PLEC: variants seen among roughly 807,000 people sequenced by gnomAD.
PLEC encodes the protein hemidesmosomal protein 1.
A neutral mutation model predicts 392.8 loss-of-function variants in PLEC; 216 were observed. That is an observed-to-expected ratio of 0.55 (90% CI 0.49 to 0.62). PLEC has a LOEUF of 0.62. Among genes scored for constraint, PLEC ranks in the 20% least tolerant of loss-of-function variants. PLEC has a pLI of 0.00. For synonymous variants in PLEC, 3,621 were observed against 2,980.6 expected, an observed-to-expected ratio of 1.21 and a Z score of -7.00; for missense variants, 6,863 against 6,563.4, an observed-to-expected ratio of 1.05 and a Z score of -1.58.
chr8:143,953,634 G>A, upstream of PLEC: 1 of 1,376,698 alleles, frequency 7.3e-7, no homozygotes, highest in Non-Finnish European at 1.0e-6. Context: ...AGGGATGGCA[G>A]ACCCTGCCCG....
rs572842527 is a variant in PLEC, at chr8:143,930,126, T to A, written c.2612+18A>T. The A allele has an allele frequency of 1.4e-4, 224 of 1,589,494 alleles. 3 individuals carry two copies. In the South Asian group the frequency reaches 2.4e-3, roughly 17 times the overall value. ...CACCCGCCTTCCAGCCCCCACCTGC[T>A]GAGCCCCCGCCACCCACCTGGTGAC... is the stretch of plus-strand genomic sequence containing the variant. On this transcript the variant is annotated intron_variant, in intron 21 of 31. Coordinates refer to ENST00000345136, the MANE Select transcript of PLEC (RefSeq NM_201384.3).
At chr8:143,970,970 CCA>C (rs1316214839) in intron 1 of PLEC, among the ~76,000 whole-genome samples, 1 of 152,230 alleles carries the variant, frequency 6.6e-6, no homozygotes, top group African/African-American at 2.4e-5. Context: ...AGCCTCAGCC[CCA>C]GAGGAATCTG....
At chr8:143,942,342 G>C (rs1554729256), upstream of PLEC, 1 of 1,593,224 alleles carries the variant, frequency 6.3e-7, no homozygotes, top group African/African-American at 1.3e-5. Context: ...CCCACTAGGT[G>C]AGAGCGATGG....
chr8:143,919,506 G>C lies in PLEC; in HGVS notation c.10315C>G (p.Pro3439Ala). 9.9e-6 allele frequency: 16 copies of C among 1,612,802 alleles called. No homozygotes were observed. Among genetic ancestry groups the C allele is most frequent in the Non-Finnish European group, 1.4e-5 (16 of 1,179,858 alleles). The change falls in exon 32 of 32, where the codon CCC (proline) becomes GCC (alanine). Residue 3439 changes from proline (P) to alanine (A), a missense_variant. Transcript: ENST00000345136. ...AGGGAGATGGTGCTGCCCGAGTAGG[G>C]GTCTCTGTAGCCGGTGACGGCCTTC... ...AEKAVTGYRDPYSGSTISLFQ... is the reference protein window; with the variant it reads ...AEKAVTGYRDAYSGSTISLFQ...
In PLEC at chr8:143,922,750, G is replaced by A. The variant is rs1554690386; in HGVS notation, c.7179C>T (p.Ser2393=). Residue 2393 remains serine (S), a synonymous_variant, in exon 31 of 32, where the codon AGC becomes AGT. Coordinates refer to ENST00000345136, the MANE Select transcript of PLEC (RefSeq NM_201384.3). The part of the protein sequence containing the change: ...ERLKLRVAEM[S]RAQARAEEDA... The stretch of plus-strand genomic sequence containing the variant: ...CCTCCTCAGCGCGGGCCTGGGCTCG[G>A]CTCATCTCGGCCACACGCAGCTTGA... 5 of 1,609,064 alleles carry A rather than the reference G, an allele frequency of 3.1e-6. No homozygotes were observed. Among genetic ancestry groups the A allele is most frequent in the Non-Finnish European group, 4.2e-6 (5 of 1,179,298 alleles).
chr8:143,917,180 A>G lies in PLEC; in HGVS notation c.12641T>C (p.Ile4214Thr). Residue 4214 changes from isoleucine to threonine, a missense_variant, in exon 32 of 32, where the codon ATC becomes ACC. Transcript: ENST00000345136. ...GTACTGGTCCAGTGCCGAGCGGTCG[A>G]TGAGGTTCTTGGCGATGGCATCATC... The part of the protein sequence containing the change: ...DIDDAIAKNL[I>T]DRSALDQYRA... 4 of 1,612,344 alleles carry G rather than the reference A, an allele frequency of 2.5e-6. No individual in the cohort carries two copies. Among genetic ancestry groups the G allele is most frequent in the Non-Finnish European group, 3.4e-6 (4 of 1,179,184 alleles).
At position 143,930,290 on chromosome 8, in the gene PLEC, C is replaced by T; in HGVS notation, c.2466G>A (p.Val822=). The T allele has an allele frequency of 1.9e-6, 3 of 1,602,868 alleles. No homozygotes were observed. The highest frequency in any genetic ancestry group is 1.1e-5 in the South Asian group (1 of 90,240). The change falls in exon 21 of 32, where the codon GTG becomes GTA. Residue 822 remains valine (V), a synonymous_variant. Coordinates refer to ENST00000345136, the MANE Select transcript of PLEC (RefSeq NM_201384.3). ...CCAGCTGGCACTCGTCACCCTTGTGCACAGTCACCTGGGACGGGCAGAGTC... is the reference window on the plus strand; with the variant it reads ...CCAGCTGGCACTCGTCACCCTTGTGTACAGTCACCTGGGACGGGCAGAGTC... ...VCDYKQVEVT[V]HKGDECQLVG... is the part of the protein sequence containing the mutation.
intron 1 of PLEC, chr8:143,946,502 G>T (rs957660066): frequency 7.6e-6 from 6 of 789,454 alleles, no homozygotes; most frequent in Non-Finnish European, 1.1e-5. Context: ...CCTGGTAGCA[G>T]CGGCTCCTCC....
chr8:143,959,696 G>A (rs557179998), intron 1 of PLEC, among the ~76,000 whole-genome samples: 8 of 152,246 alleles, frequency 5.3e-5, no homozygotes, highest in Non-Finnish European at 1.0e-4. Context: ...CTTAGAAATT[G>A]TTTAAAAATT....
chr8:143,943,772 G>C (rs782704181), upstream of PLEC: 1 of 1,610,552 alleles, frequency 6.2e-7, no homozygotes, highest in Non-Finnish European at 8.5e-7. Flanking sequence ...CCACCAGCGG[G>C]GCTTACCTTG....
rs561310906 is a variant in PLEC, at chr8:143,930,418, G to A, written c.2423C>T (p.Pro808Leu). The A allele has an allele frequency of 4.5e-6, 7 of 1,573,022 alleles. No individual in the cohort carries two copies. Among genetic ancestry groups the A allele is most frequent in the South Asian group, 2.3e-5 (2 of 86,802 alleles). The change falls in exon 20 of 32, where the codon CCC becomes CTC. Residue 808 changes from proline (P) to leucine (L), a missense_variant. By Grantham distance (98) the Pro-to-Leu change is moderately conservative. Transcript: ENST00000345136. ...CTTATAGTCGCACACGGCCAGCAGG[G>A]GCAGGCGGCCCCGCATGGGGTGGGC... The part of the protein sequence containing the change: ...HPAHPMRGRL[P>L]LLAVCDYKQV...
rs113295402 is a variant in PLEC, at chr8:143,924,620, C to T, written c.5309G>A (p.Ser1770Asn). ...VRAEMEVLLA[S>N]KARAEEESRS... Reference sequence around the variant, plus strand: ...CGACTCCTCCTCAGCCCTCGCCTTGCTGGCCAGCAGCACCTCCATCTCGGC... The same window carrying T: ...CGACTCCTCCTCAGCCCTCGCCTTGTTGGCCAGCAGCACCTCCATCTCGGC... The change falls in exon 31 of 32, where the codon AGC (serine) becomes AAC (asparagine). Residue 1770 changes from serine to asparagine, a missense_variant. Physicochemically the swap from Ser to Asn is conservative, Grantham distance 46. Transcript: ENST00000345136. The T allele has an allele frequency of 1.3e-6, 2 of 1,540,550 alleles. No homozygotes were observed. Among genetic ancestry groups the T allele is most frequent in the Non-Finnish European group, 1.7e-6 (2 of 1,149,500 alleles).
chr8:143,919,981 G>A lies in PLEC; in HGVS notation c.9840C>T (p.Thr3280=), dbSNP rs375274969. 55 of 1,613,342 alleles carry A rather than the reference G, an allele frequency of 3.4e-5. No homozygotes were observed. Among genetic ancestry groups the A allele is most frequent in the African/African-American group, 5.3e-5 (4 of 75,050 alleles). ...TGAGAATCTTGATGACCTTCTCCACGGTGACCTTGCCCGTGCGGAACTGAC... is the reference window on the plus strand; with the variant it reads ...TGAGAATCTTGATGACCTTCTCCACAGTGACCTTGCCCGTGCGGAACTGAC... ...LLRQFRTGKV[T]VEKVIKILIT... The change falls in exon 32 of 32, where the codon ACC becomes ACT. Residue 3280 remains threonine, a synonymous_variant. Transcript: ENST00000345136.
intron 1 of PLEC, among the ~76,000 whole-genome samples, chr8:143,962,478 C>T (rs782275493): frequency 2.0e-4 from 30 of 152,200 alleles, no homozygotes; most frequent in Non-Finnish European, 3.5e-4. Context: ...ATACAGACAG[C>T]GAGCAGGAGC....
intron 1 of PLEC, among the ~76,000 whole-genome samples, chr8:143,963,382 C>T (rs1832951205): frequency 6.6e-6 from 1 of 152,194 alleles, no homozygotes; most frequent in South Asian, 2.1e-4. Flanking sequence ...GGGCACTGAG[C>T]CACAGAAGAG....
At chr8:143,971,666 G>T (rs1554744377) in intron 1 of PLEC, among the ~76,000 whole-genome samples, 5 of 152,186 alleles carry the variant, frequency 3.3e-5, no homozygotes. Context: ...GGAGACTTGG[G>T]GTACCTGGTG....
chr8:143,938,964 T>C (rs1038231648), intron 1 of PLEC, among the ~76,000 whole-genome samples: 10 of 151,764 alleles, frequency 6.6e-5, no homozygotes, highest in Middle Eastern at 3.4e-3. Flanking sequence ...GGGCGCACCC[T>C]GAGCCCAGGG....
chr8:143,932,380 G>A lies in PLEC; in HGVS notation c.1977+20C>T. On this transcript the variant is annotated intron_variant, in intron 16 of 31. Coordinates refer to ENST00000345136, the MANE Select transcript of PLEC (RefSeq NM_201384.3). The stretch of plus-strand genomic sequence containing the variant: ...TGGGGAGGGGGCTGTGGGGTTCAGG[G>A]CAGCTGGGCCACCGCTCACCGAGTA... 1 of 1,612,340 alleles carries A rather than the reference G, an allele frequency of 6.2e-7. No homozygotes were observed. Among genetic ancestry groups the A allele is most frequent in the Non-Finnish European group, 8.5e-7 (1 of 1,179,932 alleles).
upstream of PLEC, among the ~76,000 whole-genome samples, chr8:143,943,066 C>A (rs149371406): frequency 0.02 from 3,000 of 152,272 alleles, 33 homozygotes; most frequent in Non-Finnish European, 0.031. Context: ...GCTGAGTCCC[C>A]GGCAGCTCCG....
Sources: allele counts gnomAD v4.1 joint callset (sites outside exome capture counted in the v4.1 genomes callset), GRCh38; gene constraint gnomAD v4.1.1; transcripts MANE v1.5; gene names NCBI Gene and HGNC (gene_info 2026-07-23, HGNC 2026-07-21).